The following USH2A variants were observed in gnomAD, a reference collection of about 807,000 sequenced individuals.
USH2A encodes the protein Usher syndrome 2A (autosomal recessive, mild).
A neutral mutation model predicts 538.9 loss-of-function variants in USH2A; 443 were observed. The ratio of observed to expected loss-of-function variants is 0.82; its 90% CI spans 0.76 to 0.89. USH2A has a LOEUF of 0.89. Ranked by LOEUF, USH2A falls within the 40% of genes least tolerant of loss-of-function variation. USH2A has a pLI of 0.00. For synonymous variants in USH2A, 2,413 were observed against 2,273.5 expected, an observed-to-expected ratio of 1.06 and a Z score of -1.75; for missense variants, 6,633 against 6,324.8, an observed-to-expected ratio of 1.05 and a Z score of -1.65.
intron 14 of USH2A, among the ~76,000 whole-genome samples, chr1:216,231,252 TATATATA>T (rs2035678409): frequency 1.0e-5 from 1 of 98,920 alleles, no homozygotes; most frequent in Non-Finnish European, 2.1e-5. Context: ...ATATATATTA[TATATATA>T]ATATATATAT....
At chr1:215,881,037 C>T (rs1048633988) in intron 41 of USH2A, among the ~76,000 whole-genome samples, 2 of 152,144 alleles carry the variant, frequency 1.3e-5, no homozygotes, top group Non-Finnish European at 2.9e-5. Context: ...ACCAGGGAGG[C>T]GGAGGCTGCA....
chr1:215,917,426 C>T (rs1365511942), intron 38 of USH2A, among the ~76,000 whole-genome samples: 1 of 151,882 alleles, frequency 6.6e-6, no homozygotes, highest in African/African-American at 2.4e-5. Context: ...ATATATACAA[C>T]AATACTGTTC....
At chr1:216,042,089 T>C (rs180767617) in intron 32 of USH2A, among the ~76,000 whole-genome samples, 2 of 152,164 alleles carry the variant, frequency 1.3e-5, no homozygotes, top group Admixed American at 1.3e-4. Flanking sequence ...AAATATCCAT[T>C]ATATGCTATA....
rs1003449070 is a variant in USH2A, at chr1:216,191,913, A to G, written c.4252-1546T>C. ...GAAATCTACACTAATATTTATTTTG[A>G]AAAGGCTTTTCCTTCTTTACAGATG... On this transcript the variant is annotated intron_variant, in intron 19 of 71. Coordinates refer to ENST00000307340, the MANE Select transcript of USH2A (RefSeq NM_206933.4). 1.1e-4 allele frequency among the ~76,000 whole-genome samples: 16 copies of G among 152,096 alleles called. 1 individual carries two copies. Among genetic ancestry groups the G allele is most frequent in the African/African-American group, 3.9e-4 (16 of 41,430 alleles).
intron 13 of USH2A, among the ~76,000 whole-genome samples, chr1:216,239,917 A>G (rs2035901783): frequency 6.6e-6 from 1 of 151,884 alleles, no homozygotes; most frequent in Non-Finnish European, 1.5e-5. Flanking sequence ...TTGGTCTGAA[A>G]AGATTAAAAC....
At chr1:215,668,547 T>G (rs1420679659) in intron 64 of USH2A, among the ~76,000 whole-genome samples, 2 of 152,084 alleles carry the variant, frequency 1.3e-5, no homozygotes, top group East Asian at 1.9e-4. Flanking sequence ...TTCATTTGAG[T>G]GAGATGAGTA....
chr1:216,194,721 A>C (rs1417280954), intron 19 of USH2A, among the ~76,000 whole-genome samples: 2 of 152,134 alleles, frequency 1.3e-5, no homozygotes, highest in Non-Finnish European at 2.9e-5. Flanking sequence ...ACCACCACTA[A>C]GAAGGAAACA....
chr1:216,067,903 T>C (rs537796174), intron 30 of USH2A, among the ~76,000 whole-genome samples: 2 of 152,192 alleles, frequency 1.3e-5, no homozygotes, highest in African/African-American at 4.8e-5. Flanking sequence ...TCAATAAGGC[T>C]TCTGGAGCAA....
intron 47 of USH2A, among the ~76,000 whole-genome samples, chr1:215,821,823 T>A (rs1217918039): frequency 6.6e-6 from 1 of 151,510 alleles, no homozygotes; most frequent in Non-Finnish European, 1.5e-5. Flanking sequence ...TTCTGTCTCT[T>A]CTATCATTCT....
At chr1:215,969,870 G>A (rs1436758647) in intron 36 of USH2A, among the ~76,000 whole-genome samples, 1 of 152,070 alleles carries the variant, frequency 6.6e-6, no homozygotes, top group Non-Finnish European at 1.5e-5. Flanking sequence ...AAATATCTAA[G>A]ACTAATGAGC....
At chr1:216,194,338 A>G (rs2034789733) in intron 19 of USH2A, 1 of 152,114 alleles carries the variant, frequency 6.6e-6, no homozygotes, top group African/African-American at 2.4e-5. Context: ...GGTTTGGTGG[A>G]ATTAGTAATT....
At chr1:216,196,871 T>G in intron 18 of USH2A, 149 bp from the exon 19 acceptor site, 1 of 922,112 alleles carries the variant, frequency 1.1e-6, no homozygotes, top group South Asian at 1.5e-5. Flanking sequence ...TATGCTGGTA[T>G]ATGTAAAAGG....
At chr1:216,242,376 A>AT (rs1407211975) in intron 13 of USH2A, among the ~76,000 whole-genome samples, 25 of 150,468 alleles carry the variant, frequency 1.7e-4, no homozygotes, top group African/African-American at 6.1e-4. Flanking sequence ...AAAAGAAAAA[A>AT]AAAATATATA....
At chr1:215,685,331 AG>A (rs1245627424) in intron 61 of USH2A, among the ~76,000 whole-genome samples, 1 of 18,222 alleles carries the variant, frequency 5.5e-5, no homozygotes, top group African/African-American at 7.0e-5. Flanking sequence ...AATTCAAATC[AG>A]TTTTTTTTTT....
At chr1:216,410,856 A>G (rs74141591) in intron 3 of USH2A, among the ~76,000 whole-genome samples, 1 of 152,148 alleles carries the variant, frequency 6.6e-6, no homozygotes, top group African/African-American at 2.4e-5. Flanking sequence ...ATTCATTTGC[A>G]TATTCACTAT....
At chr1:215,877,978 C>T (rs1046410815) in intron 42 of USH2A, 98 bp from the exon 43 acceptor site, 67 of 1,513,506 alleles carry the variant, frequency 4.4e-5, no homozygotes, top group African/African-American at 1.4e-4. Flanking sequence ...GTGATATATG[C>T]GTGGAAGCAT....
At position 216,289,350 on chromosome 1, in the gene USH2A, G is replaced by A. The variant is rs2036953121; in HGVS notation, c.1901C>T (p.Ala634Val). ...FFRQVGADPS[A>V]IDVCKPCDCD... is the part of the protein sequence containing the mutation. Reference sequence around the variant, plus strand: ...GTCACAGGGTTTGCAAACATCTATGGCCGAAGGATCTGCACCAACTTGTCG... The same window carrying A: ...GTCACAGGGTTTGCAAACATCTATGACCGAAGGATCTGCACCAACTTGTCG... The change falls in exon 11 of 72, where the codon GCC becomes GTC. Residue 634 changes from alanine (A) to valine (V), a missense_variant. Coordinates refer to ENST00000307340, the MANE Select transcript of USH2A (RefSeq NM_206933.4). The A allele has an allele frequency of 5.6e-6, 9 of 1,613,954 alleles. No individual in the cohort carries two copies. Among genetic ancestry groups the A allele is most frequent in the Admixed American group, 1.7e-5 (1 of 60,014 alleles).
chr1:216,269,497 C>T (rs1413507843), intron 11 of USH2A, among the ~76,000 whole-genome samples: 3 of 152,064 alleles, frequency 2.0e-5, no homozygotes, highest in Non-Finnish European at 2.9e-5. Flanking sequence ...AATACAGTTA[C>T]TAAGTGGCCC....
At chr1:216,301,982 G>A (rs1443818990) in intron 9 of USH2A, among the ~76,000 whole-genome samples, 1 of 152,176 alleles carries the variant, frequency 6.6e-6, no homozygotes, top group African/African-American at 2.4e-5. Context: ...GTTTCACTGT[G>A]ATTTGTCTAC....
Sources: gnomAD v4.1 joint callset for allele counts (sites outside exome capture counted in the v4.1 genomes callset) on GRCh38, gnomAD v4.1.1 for gene constraint, MANE v1.5 for transcripts, NCBI Gene and HGNC (gene_info 2026-07-23, HGNC 2026-07-21) for gene names.